Variants in HOPX observed in about 807,000 individuals in gnomAD.
HOPX encodes HOP homeobox.
Under a neutral mutation model 11.8 loss-of-function variants are expected in HOPX, and 5 were observed. The observed-to-expected ratio is 0.43, with a 90% CI of 0.22 to 0.89. The LOEUF (loss-of-function observed/expected upper bound fraction) is 0.89. HOPX is among the 40% of genes least tolerant of loss of function. The probability of loss-of-function intolerance (pLI) is 0.28; values close to 1 mark genes in which losing one functional copy is unlikely to be tolerated. For synonymous variants in HOPX, 49 were observed against 49.7 expected (o/e 0.99, Z 0.06); for missense variants, 119 against 120.0 (o/e 0.99, Z 0.04).
At chr4:56,662,332 A>G (rs762050721) in intron 1 of HOPX, 8 of 152,198 alleles carry the variant, frequency 5.3e-5, no homozygotes, top group Non-Finnish European at 1.0e-4. Flanking sequence ...GAGGTTTTTT[A>G]AAAAGAGTTA....
intron 1 of HOPX, among the ~76,000 whole-genome samples, chr4:56,670,822 C>A (rs1718692599): frequency 6.6e-6 from 1 of 152,000 alleles, no homozygotes; most frequent in Non-Finnish European, 1.5e-5. Flanking sequence ...CATGGTGAAA[C>A]CCTGGCTGTA....
chr4:56,664,482 C>T (rs927113467), intron 1 of HOPX: 9 of 152,006 alleles, frequency 5.9e-5, no homozygotes, highest in African/African-American at 2.2e-4. Flanking sequence ...CGTAAAGTAT[C>T]CCCTGGATGG....
chr4:56,652,182 C>G (rs1229662135), intron 3 of HOPX, among the ~76,000 whole-genome samples: 1 of 152,108 alleles, frequency 6.6e-6, no homozygotes, highest in Non-Finnish European at 1.5e-5. Context: ...ACCTCCACCC[C>G]CACAGAGAAT....
chr4:56,669,575 C>T (rs1718620549), intron 1 of HOPX, among the ~76,000 whole-genome samples: 1 of 151,926 alleles, frequency 6.6e-6, no homozygotes, highest in African/African-American at 2.4e-5. Context: ...AGGAGAATTA[C>T]TTGAACCCAG....
rs888344467 is a variant in HOPX, at chr4:56,674,374, G to T, written c.-84+6881C>A. Among the ~76,000 whole-genome samples, 15 of 151,734 alleles carry T rather than the reference G, an allele frequency of 9.9e-5. 1 individual carries two copies. Among genetic ancestry groups the T allele is most frequent in the African/African-American group, 3.4e-4 (14 of 40,990 alleles). On this transcript the variant is annotated intron_variant, in intron 1 of 3. Transcript: ENST00000420433. ...ATCAGGGCTAAGGAAGATTGTTTAT[G>T]TACATTTCCTTAGGGAGAAGCCACA...
In HOPX at chr4:56,655,965, G is replaced by A. The variant is rs1295360192; in HGVS notation, c.90C>T (p.Asp30=). Reference sequence around the variant, plus strand: ...AGTTGTACTCCAGGATTTCCACCTGGTCCTCTGTGGGGCCGCTCGCGGTCT... The same window carrying A: ...AGTTGTACTCCAGGATTTCCACCTGATCCTCTGTGGGGCCGCTCGCGGTCT... ...SAETASGPTE[D]QVEILEYNFN... is the part of the protein sequence containing the mutation. The change falls in exon 3 of 4, where the codon GAC becomes GAT. Residue 30 remains aspartate, a synonymous_variant. Coordinates refer to ENST00000420433, the MANE Select transcript of HOPX (RefSeq NM_032495.6). The A allele has an allele frequency of 6.2e-7, 1 of 1,610,902 alleles. No individual in the cohort carries two copies.
chr4:56,679,875 T>C (rs1293598955), intron 1 of HOPX: 1 of 152,238 alleles, frequency 6.6e-6, no homozygotes, highest in East Asian at 1.9e-4. Flanking sequence ...TAACATCTAA[T>C]TATCTCCCTG....
intron 3 of HOPX, among the ~76,000 whole-genome samples, chr4:56,653,694 G>A (rs1029305515): frequency 3.3e-5 from 5 of 152,172 alleles, no homozygotes; most frequent in Admixed American, 6.5e-5. Context: ...GCAGGAAGAG[G>A]AAGCCAGGGG....
chr4:56,655,264 A>G (rs1285988228), intron 3 of HOPX, among the ~76,000 whole-genome samples: 1 of 152,130 alleles, frequency 6.6e-6, no homozygotes, highest in Non-Finnish European at 1.5e-5. Flanking sequence ...GTGCAGCGTG[A>G]GTTCTGCAGC....
intron 3 of HOPX, 116 bp downstream of exon 3, chr4:56,655,741 G>T: frequency 8.4e-7 from 1 of 1,195,904 alleles, no homozygotes; most frequent in East Asian, 2.7e-5. Context: ...CAGAAGCGAT[G>T]GGAGATCATG....
Position 56,648,689 on chromosome 4 carries a change from T to C in HOPX, c.*31A>G. On this transcript the variant is annotated 3_prime_UTR_variant, in exon 4 of 4. Coordinates refer to ENST00000420433, the MANE Select transcript of HOPX (RefSeq NM_032495.6). ...AGGAGAGAAACAGAGATGGCCTTCATGGAGTGAAGCTGTCAATGCCTGCCA... is the reference window on the plus strand; with the variant it reads ...AGGAGAGAAACAGAGATGGCCTTCACGGAGTGAAGCTGTCAATGCCTGCCA... The C allele has an allele frequency of 6.6e-7, 1 of 1,514,964 alleles. No homozygotes were observed. Among genetic ancestry groups the C allele is most frequent in the Non-Finnish European group, 9.1e-7 (1 of 1,097,726 alleles). 93.8% of individuals were successfully genotyped at this position (1,514,964 alleles called of 1,614,324 possible).
chr4:56,665,879 C>T (rs760803846), intron 1 of HOPX, among the ~76,000 whole-genome samples: 4 of 152,164 alleles, frequency 2.6e-5, no homozygotes, highest in Non-Finnish European at 4.4e-5. Flanking sequence ...CTTCTGCATC[C>T]ATGCTCTTAA....
At chr4:56,669,985 G>A (rs1718651959) in intron 1 of HOPX, among the ~76,000 whole-genome samples, 1 of 151,712 alleles carries the variant, frequency 6.6e-6, no homozygotes, top group Non-Finnish European at 1.5e-5. Context: ...AAGGCAAGAG[G>A]AAAATAGCTT....
Position 56,666,707 on chromosome 4 carries a change from A to AC in HOPX, c.-83-8809_-83-8808insG, listed in dbSNP as rs754630602. On this transcript the variant is annotated intron_variant, in intron 1 of 3. Transcript: ENST00000420433. ...TCATAGAAATAAATGGGCAAACAGA[A>AC]GAAAGCAATTCCATTTCCATAATTT... Among the ~76,000 whole-genome samples the AC allele has an allele frequency of 2.4e-3, 373 of 152,362 alleles. 1 individual carries two copies. The highest frequency in any genetic ancestry group is 3.2e-3 in the Non-Finnish European group (221 of 68,032).
At position 56,648,743 on chromosome 4, in the gene HOPX, CTG is replaced by C; in HGVS notation, c.251_252del (p.Ser84Ter). The C allele has an allele frequency of 6.2e-7, 1 of 1,610,872 alleles. No homozygotes were observed. Among genetic ancestry groups the C allele is most frequent in the African/African-American group, 1.3e-5 (1 of 75,056 alleles). On this transcript the variant is annotated frameshift_variant, in exon 4 of 4. Transcript: ENST00000420433. LOFTEE classifies it high-confidence loss of function. ...CCTTAGTCTGTGACGGATCTGCACTCTGAGGGCAGGCCTTCTGAGCGCCGCCA... is the reference window on the plus strand; with the variant it reads ...CCTTAGTCTGTGACGGATCTGCACTCAGGGCAGGCCTTCTGAGCGCCGCCA... ...AKWRRSEGLP[S>X]ECRSVTD
chr4:56,649,542 G>A (rs4365783), intron 3 of HOPX: 72,336 of 152,080 alleles, frequency 0.48, 17,484 homozygotes, highest in African/African-American at 0.55. Flanking sequence ...CTGCTCCAGG[G>A]CCACTGAGCA....
rs1194842969 is a variant in HOPX at position 56,650,888 on chromosome 4, C to T, written c.199-2091G>A. The T allele has an allele frequency of 3.6e-6, 5 of 1,378,118 alleles. No individual in the cohort carries two copies. The East Asian group carries it at 1.3e-4, about 35-fold the overall frequency. The allele number at this position is 1,378,118 out of a possible 1,614,324, so 85.4% of individuals were successfully genotyped here. A position where few individuals can be genotyped will look rare whatever the true frequency, so the allele number is the denominator to read the frequency against. On this transcript the variant is annotated intron_variant, in intron 3 of 3. Transcript: ENST00000420433. Reference sequence around the variant, plus strand: ...CTACTGCTAAGGGTGGGCCCATTTTCTTCTGTAACCTGTGTGCGTGTGTTT... The same window carrying T: ...CTACTGCTAAGGGTGGGCCCATTTTTTTCTGTAACCTGTGTGCGTGTGTTT...
intron 1 of HOPX, chr4:56,665,030 C>T (rs1382256244): frequency 6.6e-6 from 1 of 152,220 alleles, no homozygotes; most frequent in African/African-American, 2.4e-5. Flanking sequence ...AATCATGGCT[C>T]ACTGCAGCCT....
intron 1 of HOPX, chr4:56,664,349 T>G (rs1718320146): frequency 6.6e-6 from 1 of 151,382 alleles, no homozygotes; most frequent in African/African-American, 2.4e-5. Flanking sequence ...TTGACCAGGC[T>G]GGTCTCAAAT....
Sources: gnomAD v4.1 joint callset for allele counts (sites outside exome capture counted in the v4.1 genomes callset) on GRCh38, gnomAD v4.1.1 for gene constraint, MANE v1.5 for transcripts, NCBI Gene and HGNC (gene_info 2026-07-23, HGNC 2026-07-21) for gene names.